PHLDB1: variants seen among roughly 807,000 people sequenced by gnomAD.
The protein encoded by PHLDB1 is pleckstrin homology like domain family B member 1, also known as pleckstrin homology-like domain family B member 1.
Under a neutral mutation model 139.3 loss-of-function variants are expected in PHLDB1, and 65 were observed. The observed-to-expected ratio is 0.47, with a 90% CI of 0.38 to 0.57. The LOEUF is 0.57. PHLDB1 is among the 20% of genes least tolerant of loss of function. The pLI is 0.00. For missense variants in PHLDB1, 1,624 were observed against 1,839.7 expected (o/e 0.88, Z 2.14); for synonymous variants, 679 against 734.5 (o/e 0.92, Z 1.22).
chr11:118,627,728 G>C lies in PHLDB1; in HGVS notation c.905G>C (p.Arg302Pro). The change falls in exon 6 of 23, where the codon CGC (arginine) becomes CCC (proline). Residue 302 changes from arginine (R) to proline (P), a missense_variant. By Grantham distance (103) the Arg-to-Pro change is moderately radical (BLOSUM62 -2). Transcript: ENST00000600882. ...YHLALQPPQS[R>P]PSGARSESPR... Reference sequence around the variant, plus strand: ...CTGGCCCTACAGCCCCCACAGTCCCGCCCAAGTGGTGCTCGCTCCGAGAGT... The same window carrying C: ...CTGGCCCTACAGCCCCCACAGTCCCCCCCAAGTGGTGCTCGCTCCGAGAGT... The C allele has an allele frequency of 1.2e-6, 2 of 1,609,562 alleles. No individual in the cohort carries two copies. Among genetic ancestry groups the C allele is most frequent in the Non-Finnish European group, 1.7e-6 (2 of 1,179,944 alleles).
At chr11:118,649,141 G>A (rs1400022326) in intron 18 of PHLDB1, among the ~76,000 whole-genome samples, 1 of 152,064 alleles carries the variant, frequency 6.6e-6, no homozygotes, top group African/African-American at 2.4e-5. Context: ...TTAGCTGGGC[G>A]TGGTTTCACA....
intron 1 of PHLDB1, 148 bp from the exon 2 acceptor site, chr11:118,613,668 T>TA: frequency 1.7e-6 from 1 of 599,536 alleles, no homozygotes; most frequent in East Asian, 3.1e-5. Context: ...CCAAGCTCTT[T>TA]AGCTGCCTCT....
intron 20 of PHLDB1, chr11:118,652,526 C>T (rs1337052582): frequency 1.3e-5 from 2 of 152,260 alleles, no homozygotes; most frequent in Admixed American, 6.5e-5. Context: ...ACTCTGCATG[C>T]ATCATCTCAT....
Position 118,631,272 on chromosome 11 carries a change from T to C in PHLDB1, c.1893T>C (p.Pro631=), listed in dbSNP as rs781834142. 5 of 1,509,612 alleles carry C rather than the reference T, an allele frequency of 3.3e-6. No individual in the cohort carries two copies. The African/African-American group carries it at 4.3e-5, about 13-fold the overall frequency. 93.5% of individuals were successfully genotyped at this position (1,509,612 alleles called of 1,614,324 possible). The part of the protein sequence containing the change: ...CAEYSRADGG[P]EAGELPSIGE... ...AATACAGCCGGGCTGATGGGGGACC[T>C]GAGGCTGGGGAGCTTCCCAGCATTG... The change falls in exon 7 of 23, where the codon CCT becomes CCC. Residue 631 remains proline, a synonymous_variant. Coordinates refer to ENST00000600882, the MANE Select transcript of PHLDB1 (RefSeq NM_001144758.3).
chr11:118,635,291 C>T (rs1565457022), intron 9 of PHLDB1, 102 bp from the exon 10 acceptor site: 1 of 1,363,290 alleles, frequency 7.3e-7, no homozygotes, highest in Non-Finnish European at 1.0e-6. Flanking sequence ...CCCAATTTCC[C>T]CGGGTCCAGC....
At chr11:118,653,472 T>C (rs1054928229) in intron 20 of PHLDB1, 1 of 152,200 alleles carries the variant, frequency 6.6e-6, no homozygotes, top group Non-Finnish European at 1.5e-5. Flanking sequence ...TGTAATGATA[T>C]AATAACAGTG....
In PHLDB1 at chr11:118,638,943, T is replaced by G; in HGVS notation, c.2588T>G (p.Val863Gly). The G allele has an allele frequency of 1.2e-6, 2 of 1,613,724 alleles. No homozygotes were observed. The highest frequency in any genetic ancestry group is 1.7e-6 in the Non-Finnish European group (2 of 1,179,806). ...SQAGQIRAQAVQESERLARDK... is the reference protein window; with the variant it reads ...SQAGQIRAQAGQESERLARDK... Reference sequence around the variant, plus strand: ...GCTGGGCAGATCCGGGCTCAGGCCGTGCAGGAATCAGAACGCCTGGCCCGG... The same window carrying G: ...GCTGGGCAGATCCGGGCTCAGGCCGGGCAGGAATCAGAACGCCTGGCCCGG... Residue 863 changes from valine to glycine, a missense_variant, in exon 11 of 23, where the codon GTG becomes GGG. Coordinates refer to ENST00000600882, the MANE Select transcript of PHLDB1 (RefSeq NM_001144758.3).
intron 12 of PHLDB1, 190 bp downstream of exon 12, chr11:118,639,441 G>A: frequency 1.6e-6 from 1 of 612,636 alleles, no homozygotes; most frequent in Non-Finnish European, 2.9e-6. Context: ...CCTCTGTTTA[G>A]TTGCCTCTGG....
Position 118,642,271 on chromosome 11 carries a change from C to A in PHLDB1, c.2754C>A (p.Leu918=), listed in dbSNP as rs781994123. The A allele has an allele frequency of 6.2e-6, 10 of 1,613,116 alleles. No homozygotes were observed. Among genetic ancestry groups the A allele is most frequent in the Non-Finnish European group, 8.5e-6 (10 of 1,179,980 alleles). The change falls in exon 13 of 23, where the codon CTC becomes CTA. Residue 918 remains leucine, a synonymous_variant. Coordinates refer to ENST00000600882, the MANE Select transcript of PHLDB1 (RefSeq NM_001144758.3). ...ACCTCCAGATGGAGAAGCTGCTGCT[C>A]CCTGCTGTAGACTTAGAGCAGTGGT... ...STLKEMEKLL[L]PAVDLEQWYQ...
chr11:118,642,216 C>A (rs782192448), intron 12 of PHLDB1, 38 bp from the exon 13 acceptor site: 3 of 1,597,156 alleles, frequency 1.9e-6, no homozygotes, highest in South Asian at 1.1e-5. Flanking sequence ...CCATCCTCCC[C>A]TCCTGTCCCC....
chr11:118,614,090 C>T (rs1215155578), intron 2 of PHLDB1, among the ~76,000 whole-genome samples, 194 bp downstream of exon 2: 4 of 152,114 alleles, frequency 2.6e-5, no homozygotes, highest in Admixed American at 1.3e-4. Context: ...AACTACCCAT[C>T]GAAAGTCCGA....
At chr11:118,642,124 C>G in intron 12 of PHLDB1, 130 bp from the exon 13 acceptor site, 11 of 837,272 alleles carry the variant, frequency 1.3e-5, no homozygotes, top group Non-Finnish European at 1.6e-5. Flanking sequence ...CCTTTTTAAC[C>G]TTCCCCTTCC....
rs200220415 is a variant in PHLDB1, at chr11:118,631,290, C to T, written c.1911C>T (p.Pro637=). The T allele has an allele frequency of 9.8e-6, 15 of 1,526,558 alleles. No homozygotes were observed. Among genetic ancestry groups the T allele is most frequent in the Middle Eastern group, 3.5e-4 (2 of 5,722 alleles). The allele number at this position is 1,526,558 out of a possible 1,614,324, so 94.6% of individuals were successfully genotyped here. ...GGGGACCTGAGGCTGGGGAGCTTCCCAGCATTGGGGAGGCCACCGCAGCAT... is the reference window on the plus strand; with the variant it reads ...GGGGACCTGAGGCTGGGGAGCTTCCTAGCATTGGGGAGGCCACCGCAGCAT... ...ADGGPEAGEL[P]SIGEATAALA... Residue 637 remains proline, a synonymous_variant, in exon 7 of 23, where the codon CCC becomes CCT. Coordinates refer to ENST00000600882, the MANE Select transcript of PHLDB1 (RefSeq NM_001144758.3).
intron 4 of PHLDB1, 27 bp from the exon 5 acceptor site, chr11:118,624,907 G>A (rs1943591225): frequency 1.2e-6 from 2 of 1,613,198 alleles, no homozygotes; most frequent in South Asian, 1.1e-5. Context: ...ACCACACCTG[G>A]TCTTCAAGTG....
In PHLDB1 at chr11:118,628,198, C is replaced by G. The variant is rs200172623; in HGVS notation, c.1375C>G (p.Pro459Ala). ...RGLDSMRELP[P>A]LSPSLSRRAL... is the part of the protein sequence containing the mutation. ...CCTGGACAGTATGCGAGAACTACCC[C>G]CCTTAAGTCCATCTCTGTCCCGGCG... The change falls in exon 6 of 23, where the codon CCC (proline) becomes GCC (alanine). Residue 459 changes from proline (P) to alanine (A), a missense_variant. Physicochemically the swap from Pro to Ala is conservative, Grantham distance 27. Coordinates refer to ENST00000600882, the MANE Select transcript of PHLDB1 (RefSeq NM_001144758.3). 7 of 1,614,098 alleles carry G rather than the reference C, an allele frequency of 4.3e-6. No individual in the cohort carries two copies. The highest frequency in any genetic ancestry group is 1.3e-5 in the African/African-American group (1 of 75,040).
chr11:118,628,562 C>T lies in PHLDB1; in HGVS notation c.1739C>T (p.Thr580Ile), dbSNP rs1555106725. 6.8e-6 allele frequency: 11 copies of T among 1,613,166 alleles called. No homozygotes were observed. Among genetic ancestry groups the T allele is most frequent in the South Asian group, 1.1e-5 (1 of 91,076 alleles). ...ACAAGGGAGCGGAAAAATAGCATCACAGAGATCAGTGACAATGAGGACGAC... is the reference window on the plus strand; with the variant it reads ...ACAAGGGAGCGGAAAAATAGCATCATAGAGATCAGTGACAATGAGGACGAC... ...PVTRERKNSI[T>I]EISDNEDDLL... Residue 580 changes from threonine (T) to isoleucine (I), a missense_variant, in exon 6 of 23, where the codon ACA (threonine) becomes ATA (isoleucine). Physicochemically the swap from Thr to Ile is moderately conservative, Grantham distance 89 (BLOSUM62 -1). Transcript: ENST00000600882.
At chr11:118,614,514 G>T (rs377152167) in intron 2 of PHLDB1, 45 bp from the exon 3 acceptor site, 3 of 1,608,596 alleles carry the variant, frequency 1.9e-6, no homozygotes, top group Admixed American at 1.7e-5. Context: ...GGGTGGTAAG[G>T]TGCTGAATCT....
At position 118,632,480 on chromosome 11, in the gene PHLDB1, C is replaced by T; in HGVS notation, c.2379+184C>T. On this transcript the variant is annotated intron_variant, in intron 9 of 22. Transcript: ENST00000600882. The surrounding 1 kb of genome is among the most constrained non-coding windows in gnomAD (Gnocchi z 5.9). ...GTGGAAGGAACCAGCTTGGAGGGCA[C>T]TGCCAGGGGCTGGGCTGGTGTCTGG... The T allele has an allele frequency of 1.5e-6, 1 of 662,734 alleles. No homozygotes were observed. The highest frequency in any genetic ancestry group is 1.9e-5 in the South Asian group (1 of 52,372). 41.1% of individuals were successfully genotyped at this position (662,734 alleles called of 1,614,324 possible).
chr11:118,625,600 AG>A (rs1229946882), intron 5 of PHLDB1, among the ~76,000 whole-genome samples: 6 of 152,192 alleles, frequency 3.9e-5, no homozygotes, highest in Non-Finnish European at 7.4e-5. Flanking sequence ...CCAGCTGCAC[AG>A]GGGGGCAGGA....
Sources: gnomAD v4.1 joint callset for allele counts (sites outside exome capture counted in the v4.1 genomes callset) on GRCh38, gnomAD v4.1.1 for gene constraint, Gnocchi (gnomAD v3.1) non-coding constraint, MANE v1.5 for transcripts, NCBI Gene and HGNC (gene_info 2026-07-23, HGNC 2026-07-21) for gene names.